MAML2: variants seen among roughly 807,000 people sequenced by gnomAD.
MAML2 encodes mastermind like transcriptional coactivator 2.
Under a neutral mutation model 96.1 loss-of-function variants are expected in MAML2, and 22 were observed. The ratio of observed to expected loss-of-function variants is 0.23; its 90% CI spans 0.16 to 0.33. The LOEUF (loss-of-function observed/expected upper bound fraction) is 0.33, where lower values mean the gene tolerates loss of function less well. MAML2 is among the 10% of genes least tolerant of loss of function. MAML2 has a pLI of 1.00. For missense variants in MAML2, 1,367 were observed against 1,392.4 expected, an observed-to-expected ratio of 0.98 and a Z score of 0.29; for synonymous variants, 561 against 521.3, an observed-to-expected ratio of 1.08 and a Z score of -1.04.
At chr11:96,322,357 G>GA (rs746566497) in intron 1 of MAML2, among the ~76,000 whole-genome samples, 1 of 152,160 alleles carries the variant, frequency 6.6e-6, no homozygotes, top group Non-Finnish European at 1.5e-5. Context: ...CTGCAAAAGA[G>GA]AATGAAAAGA....
intron 2 of MAML2, among the ~76,000 whole-genome samples, chr11:96,047,278 T>A (rs1333059385): frequency 1.3e-5 from 2 of 152,168 alleles, no homozygotes; most frequent in East Asian, 3.9e-4. Flanking sequence ...ATTCTAAATT[T>A]CCTTTCACTT....
chr11:95,994,501 A>T (rs538359890), intron 2 of MAML2, among the ~76,000 whole-genome samples: 1 of 152,090 alleles, frequency 6.6e-6, no homozygotes, highest in Admixed American at 6.6e-5. Flanking sequence ...AGGAGGAGGA[A>T]ATACATGGAG....
chr11:96,307,974 GC>G (rs1216795905), intron 1 of MAML2, among the ~76,000 whole-genome samples: 1 of 152,122 alleles, frequency 6.6e-6, no homozygotes, highest in East Asian at 1.9e-4. Flanking sequence ...GAGAGTCCTG[GC>G]TTCATGTGGT....
intron 2 of MAML2, among the ~76,000 whole-genome samples, chr11:96,043,581 T>C (rs1179644589): frequency 6.6e-6 from 1 of 152,186 alleles, no homozygotes; most frequent in African/African-American, 2.4e-5. Context: ...AATATAAAAA[T>C]TTTCCCATCA....
Position 96,181,580 on chromosome 11 carries a change from A to T in MAML2, c.514-88063T>A, listed in dbSNP as rs74500933. On this transcript the variant is annotated intron_variant, in intron 1 of 4. Transcript: ENST00000524717. The stretch of plus-strand genomic sequence containing the variant: ...CCCCCTTCAAGTCTTTACAACGTTG[A>T]GAATAAGCTCCTAAGATGCAAAAAA... Among the ~76,000 whole-genome samples the T allele has an allele frequency of 3.0e-3, 450 of 152,226 alleles. 9 individuals carry two copies. Among genetic ancestry groups the T allele is most frequent in the Admixed American group, 0.019 (291 of 15,292 alleles).
At chr11:96,137,506 C>T (rs1293058415) in intron 1 of MAML2, among the ~76,000 whole-genome samples, 2 of 152,226 alleles carry the variant, frequency 1.3e-5, no homozygotes, top group East Asian at 3.8e-4. Flanking sequence ...ATTTTAAGAA[C>T]TGGACAACAC....
chr11:96,165,832 T>G (rs1861180359), intron 1 of MAML2, among the ~76,000 whole-genome samples: 2 of 152,204 alleles, frequency 1.3e-5, no homozygotes, highest in Non-Finnish European at 2.9e-5. Flanking sequence ...CAGTATCACA[T>G]TGTCGCTTTT....
chr11:96,056,089 T>G (rs1859062006), intron 2 of MAML2, among the ~76,000 whole-genome samples: 1 of 152,198 alleles, frequency 6.6e-6, no homozygotes, highest in Non-Finnish European at 1.5e-5. Context: ...TGTGAATCAC[T>G]TCACCTCCCT....
At chr11:96,230,771 G>C (rs565268753) in intron 1 of MAML2, among the ~76,000 whole-genome samples, 1 of 152,162 alleles carries the variant, frequency 6.6e-6, no homozygotes, top group Non-Finnish European at 1.5e-5. Context: ...GGAACAATAC[G>C]AAGCCTAATG....
chr11:96,315,616 G>C (rs1863620314), intron 1 of MAML2, among the ~76,000 whole-genome samples: 1 of 152,022 alleles, frequency 6.6e-6, no homozygotes, highest in African/African-American at 2.4e-5. Flanking sequence ...AATGGTCTTG[G>C]TTTATCTTCA....
intron 1 of MAML2, among the ~76,000 whole-genome samples, chr11:96,273,096 C>A (rs939496999): frequency 3.9e-5 from 6 of 152,064 alleles, no homozygotes; most frequent in Non-Finnish European, 7.4e-5. Flanking sequence ...CTACGTAATG[C>A]TGATCACATT....
intron 1 of MAML2, among the ~76,000 whole-genome samples, chr11:96,237,375 A>G (rs1591088722): frequency 6.6e-6 from 1 of 152,290 alleles, no homozygotes; most frequent in East Asian, 1.9e-4. Context: ...TACCTTCCTT[A>G]ACTCCTTTGA....
intron 1 of MAML2, among the ~76,000 whole-genome samples, chr11:96,177,098 A>G (rs554859718): frequency 4.0e-4 from 61 of 152,210 alleles, no homozygotes; most frequent in Non-Finnish European, 6.6e-4. Flanking sequence ...AAAATGTATC[A>G]GGAGAATGTA....
intron 1 of MAML2, among the ~76,000 whole-genome samples, chr11:96,140,156 A>T (rs1860708422): frequency 6.6e-6 from 1 of 152,240 alleles, no homozygotes; most frequent in Admixed American, 6.5e-5. Flanking sequence ...GTGCCCAGGC[A>T]TTGGCATGGT....
At chr11:96,014,247 A>G (rs1858308849) in intron 2 of MAML2, among the ~76,000 whole-genome samples, 1 of 152,216 alleles carries the variant, frequency 6.6e-6, no homozygotes, top group Non-Finnish European at 1.5e-5. Flanking sequence ...AGTTTCTTTA[A>G]ACTGAGTATA....
At chr11:96,176,643 C>T (rs1200018446) in intron 1 of MAML2, among the ~76,000 whole-genome samples, 2 of 152,074 alleles carry the variant, frequency 1.3e-5, no homozygotes, top group African/African-American at 2.4e-5. Context: ...TTTTCGAAGC[C>T]TAGTCTTGTT....
At chr11:95,992,018 C>T (rs1857922273) in intron 2 of MAML2, among the ~76,000 whole-genome samples, 1 of 152,154 alleles carries the variant, frequency 6.6e-6, no homozygotes, top group South Asian at 2.1e-4. Context: ...AGAAAACTAC[C>T]ATAAAAACAT....
At chr11:95,986,184 T>A (rs1238630463) in intron 3 of MAML2, among the ~76,000 whole-genome samples, 2 of 152,088 alleles carry the variant, frequency 1.3e-5, no homozygotes. Context: ...GTAGGTATTC[T>A]GTATTCTTAT....
At chr11:96,172,678 A>G (rs1861315995) in intron 1 of MAML2, among the ~76,000 whole-genome samples, 1 of 152,238 alleles carries the variant, frequency 6.6e-6, no homozygotes, top group South Asian at 2.1e-4. Flanking sequence ...TATGTGTTAA[A>G]GGCATTTACA....
Sources: gnomAD v4.1 joint callset for allele counts (sites outside exome capture counted in the v4.1 genomes callset) on GRCh38, gnomAD v4.1.1 for gene constraint, MANE v1.5 for transcripts, NCBI Gene and HGNC (gene_info 2026-07-23, HGNC 2026-07-21) for gene names.